The following CD44 variants were observed in gnomAD, a reference collection of about 807,000 sequenced individuals.
The protein encoded by CD44 is CD44 molecule (IN blood group).
Under a neutral mutation model 88.8 loss-of-function variants are expected in CD44, and 49 were observed. That is an observed-to-expected ratio of 0.55 (90% CI 0.44 to 0.70). The LOEUF is 0.70. Among genes scored for constraint, CD44 ranks in the 30% least tolerant of loss-of-function variants. The probability of loss-of-function intolerance (pLI) is 0.00; values close to 1 mark genes in which losing one functional copy is unlikely to be tolerated. For synonymous variants in CD44, 325 were observed against 312.3 expected (o/e 1.04, Z -0.43); for missense variants, 883 against 913.8 (o/e 0.97, Z 0.43).
chr11:35,153,907 T>C (rs1941512873), intron 1 of CD44, among the ~76,000 whole-genome samples: 1 of 152,210 alleles, frequency 6.6e-6, no homozygotes. Flanking sequence ...TGTCTCACCA[T>C]TGGGTCTTCT....
In CD44 at chr11:35,171,563, C is replaced by A. The variant is rs373757109; in HGVS notation, c.68-5012C>A. Among the ~76,000 whole-genome samples the A allele has an allele frequency of 6.6e-5, 10 of 152,124 alleles. No individual in the cohort carries two copies. The East Asian group carries it at 1.2e-3, about 18-fold the overall frequency. On this transcript the variant is annotated intron_variant, in intron 1 of 17. Transcript: ENST00000428726. ...CTTGGCTGATCACATGCACATACAACCACACACTCACTTGCATACAAACAT... is the reference window on the plus strand; with the variant it reads ...CTTGGCTGATCACATGCACATACAAACACACACTCACTTGCATACAAACAT...
intron 1 of CD44, among the ~76,000 whole-genome samples, chr11:35,150,426 CA>C (rs2074138391): frequency 6.6e-6 from 1 of 152,086 alleles, no homozygotes; most frequent in African/African-American, 2.4e-5. Context: ...AATTTCTTTT[CA>C]TCATAAAACC....
chr11:35,153,581 C>G (rs1304981698), intron 1 of CD44, among the ~76,000 whole-genome samples: 2 of 152,192 alleles, frequency 1.3e-5, no homozygotes, highest in Admixed American at 1.3e-4. Flanking sequence ...AATATCTGTG[C>G]TCTGCTAGGC....
chr11:35,216,950 C>T (rs1948878417), intron 15 of CD44, among the ~76,000 whole-genome samples: 2 of 152,204 alleles, frequency 1.3e-5, no homozygotes, highest in Non-Finnish European at 2.9e-5. Flanking sequence ...CTTTTCTCAC[C>T]ATTGAAGCCA....
chr11:35,216,357 G>T (rs569600548), intron 15 of CD44, among the ~76,000 whole-genome samples: 42 of 152,280 alleles, frequency 2.8e-4, no homozygotes, highest in Non-Finnish European at 2.9e-5. Context: ...CCATGTAAAT[G>T]ATTTAAGCCA....
intron 16 of CD44, 80 bp from the exon 17 acceptor site, chr11:35,221,574 G>T: frequency 8.3e-7 from 1 of 1,199,018 alleles, no homozygotes; most frequent in South Asian, 1.2e-5. Flanking sequence ...GTTTCAACTA[G>T]GTCAATTATA....
intron 11 of CD44, 25 bp downstream of exon 11, chr11:35,206,268 T>C: frequency 1.3e-6 from 2 of 1,572,942 alleles, no homozygotes; most frequent in Non-Finnish European, 1.7e-6. Flanking sequence ...GATTTTTATA[T>C]ATTATGTTTT....
intron 1 of CD44, among the ~76,000 whole-genome samples, chr11:35,151,139 C>T (rs1277236403): frequency 6.6e-6 from 1 of 151,870 alleles, no homozygotes; most frequent in Non-Finnish European, 1.5e-5. Context: ...GGAGAGAAAC[C>T]CAGGGAAAGG....
Position 35,229,223 on chromosome 11 carries a change from C to A in CD44, c.2119C>A (p.Gln707Lys). The change falls in exon 18 of 18, where the codon CAG becomes AAG. Residue 707 changes from glutamine to lysine, a missense_variant. Coordinates refer to ENST00000428726, the MANE Select transcript of CD44 (RefSeq NM_000610.4). ...SGLNGEASKS[Q>K]EMVHLVNKES... ...ACTCAACGGAGAGGCCAGCAAGTCT[C>A]AGGAAATGGTGCATTTGGTGAACAA... 1 of 1,614,060 alleles carries A rather than the reference C, an allele frequency of 6.2e-7. No homozygotes were observed. Among genetic ancestry groups the A allele is most frequent in the Non-Finnish European group, 8.5e-7 (1 of 1,179,932 alleles).
At chr11:35,146,682 A>G (rs1859242517) in intron 1 of CD44, among the ~76,000 whole-genome samples, 1 of 152,202 alleles carries the variant, frequency 6.6e-6, no homozygotes, top group Non-Finnish European at 1.5e-5. Flanking sequence ...CTGGGATTCA[A>G]ACTCACATCT....
intron 1 of CD44, among the ~76,000 whole-genome samples, chr11:35,164,075 G>A (rs1419924835): frequency 6.6e-6 from 1 of 152,032 alleles, no homozygotes; most frequent in Non-Finnish European, 1.5e-5. Flanking sequence ...TAATATCACT[G>A]GAAAACCCAG....
intron 1 of CD44, among the ~76,000 whole-genome samples, chr11:35,147,737 T>C (rs1400227971): frequency 2.6e-5 from 4 of 152,130 alleles, no homozygotes; most frequent in African/African-American, 4.8e-5. Context: ...CTTTCCAAGA[T>C]AGTAGCACGA....
chr11:35,210,636 A>G (rs1373617632), intron 13 of CD44: 1 of 152,886 alleles, frequency 6.5e-6, no homozygotes, highest in East Asian at 1.9e-4. Flanking sequence ...ACTGTTTGCT[A>G]TGATTTCAGT....
rs75219225 is a variant in CD44 at position 35,142,580 on chromosome 11, T to C, written c.67+3210T>C. Among the ~76,000 whole-genome samples the C allele has an allele frequency of 7.0e-3, 1,073 of 152,294 alleles. 5 individuals carry two copies. The highest frequency in any genetic ancestry group is 0.025 in the African/African-American group (1,031 of 41,558). On this transcript the variant is annotated intron_variant, in intron 1 of 17. Coordinates refer to ENST00000428726, the MANE Select transcript of CD44 (RefSeq NM_000610.4). ...CGCCCCCTGCTGGGAGTTAGAACTT[T>C]AGCTGTGTTTTCCCATGTGAAGGAG...
At chr11:35,221,849 T>A in intron 17 of CD44, 117 bp downstream of exon 17, 1 of 934,888 alleles carries the variant, frequency 1.1e-6, no homozygotes, top group South Asian at 1.3e-5. Flanking sequence ...ACCCTGGGAG[T>A]TTGTTGGAAA....
At chr11:35,162,674 G>C (rs184421745) in intron 1 of CD44, among the ~76,000 whole-genome samples, 1 of 152,292 alleles carries the variant, frequency 6.6e-6, no homozygotes, top group Non-Finnish European at 1.5e-5. Context: ...AGTTCACAGG[G>C]CAGTTGGAAC....
rs370904904 is a variant in CD44, at chr11:35,163,251, C to CTT, written c.68-13312_68-13311dup. 7.0e-4 allele frequency among the ~76,000 whole-genome samples: 103 copies of CTT among 146,396 alleles called. 2 individuals are homozygous for CTT. The South Asian group carries it at 0.013, about 19-fold the overall frequency. ...GTGCCAAGGGTTATGAATGATTTACCTTTTTTTTTTTTTCTAAACTGAAGG... is the reference window on the plus strand; with the variant it reads ...GTGCCAAGGGTTATGAATGATTTACCTTTTTTTTTTTTTTTCTAAACTGAAGG... On this transcript the variant is annotated intron_variant, in intron 1 of 17. Transcript: ENST00000428726.
intron 17 of CD44, chr11:35,222,344 G>T: frequency 7.4e-6 from 8 of 1,082,392 alleles, no homozygotes; most frequent in Non-Finnish European, 1.0e-5. Flanking sequence ...TTTTTGTAAT[G>T]ATATCATTTT....
At chr11:35,141,608 G>C (rs899573606) in intron 1 of CD44, among the ~76,000 whole-genome samples, 1 of 152,072 alleles carries the variant, frequency 6.6e-6, no homozygotes, top group African/African-American at 2.4e-5. Context: ...CTTCTAAAAG[G>C]CCCCACTTCC....
Sources: gnomAD v4.1 joint callset for allele counts (sites outside exome capture counted in the v4.1 genomes callset) on GRCh38, gnomAD v4.1.1 for gene constraint, MANE v1.5 for transcripts, NCBI Gene and HGNC (gene_info 2026-07-23, HGNC 2026-07-21) for gene names.